The following PGM5 variants were observed in gnomAD, a reference collection of about 807,000 sequenced individuals.
PGM5 encodes phosphoglucomutase 5.
In PGM5, 23 loss-of-function variants were observed where a neutral mutation model predicts 59.2. That is an observed-to-expected ratio of 0.39 (90% CI 0.28 to 0.55). The LOEUF (loss-of-function observed/expected upper bound fraction) is 0.55, where lower values mean the gene tolerates loss of function less well. Among genes scored for constraint, PGM5 ranks in the 20% least tolerant of loss-of-function variants. The probability of loss-of-function intolerance (pLI) is 0.66; values close to 1 mark genes in which losing one functional copy is unlikely to be tolerated. For synonymous variants in PGM5, 214 were observed against 286.0 expected, an observed-to-expected ratio of 0.75 and a Z score of 2.54; for missense variants, 574 against 748.3, an observed-to-expected ratio of 0.77 and a Z score of 2.72.
chr9:68,457,966 A>G (rs1183080260), intron 6 of PGM5, among the ~76,000 whole-genome samples: 2 of 152,212 alleles, frequency 1.3e-5, no homozygotes, highest in Non-Finnish European at 2.9e-5. Context: ...CTATCTCTCA[A>G]CTTAGCTGGA....
chr9:68,376,676 T>C (rs1472521352), intron 1 of PGM5, among the ~76,000 whole-genome samples: 5 of 152,152 alleles, frequency 3.3e-5, no homozygotes, highest in Admixed American at 2.0e-4. Context: ...TCAGTACTTA[T>C]CAAATGAATT....
intron 7 of PGM5, chr9:68,466,042 T>G (rs1457279125): frequency 1.3e-6 from 1 of 760,670 alleles, no homozygotes; most frequent in African/African-American, 1.8e-5. Context: ...TTCCCCATTC[T>G]TTGTCTCTTG....
intron 10 of PGM5, among the ~76,000 whole-genome samples, chr9:68,522,643 T>C (rs1410153503): frequency 1.3e-5 from 2 of 152,208 alleles, no homozygotes; most frequent in Non-Finnish European, 2.9e-5. Flanking sequence ...ATCTTATTAA[T>C]TGTGATTTTA....
intron 8 of PGM5, among the ~76,000 whole-genome samples, chr9:68,481,055 A>C (rs1181169267): frequency 6.6e-6 from 1 of 152,184 alleles, no homozygotes; most frequent in Non-Finnish European, 1.5e-5. Flanking sequence ...ATTGTGACTC[A>C]TTTTGCTTTG....
At chr9:68,425,945 C>T (rs760700506) in intron 6 of PGM5, among the ~76,000 whole-genome samples, 78 of 152,124 alleles carry the variant, frequency 5.1e-4, no homozygotes, top group African/African-American at 1.7e-3. Flanking sequence ...AAAAAAAGAG[C>T]GATACTTTCT....
chr9:68,522,007 C>T (rs1824906080), intron 10 of PGM5, among the ~76,000 whole-genome samples: 1 of 152,192 alleles, frequency 6.6e-6, no homozygotes, highest in Non-Finnish European at 1.5e-5. Flanking sequence ...GTAATCCCAG[C>T]ACTTTGGGAG....
intron 10 of PGM5, among the ~76,000 whole-genome samples, chr9:68,525,371 A>T (rs912641745): frequency 6.6e-6 from 1 of 152,100 alleles, no homozygotes; most frequent in South Asian, 2.1e-4. Context: ...TCATGTGGCC[A>T]CTCATTCTAG....
chr9:68,422,871 C>A (rs1020582326), intron 6 of PGM5, among the ~76,000 whole-genome samples: 2 of 152,096 alleles, frequency 1.3e-5, no homozygotes, highest in African/African-American at 4.8e-5. Context: ...TGTCTCTCAT[C>A]CCCTTCCCAC....
chr9:68,421,624 G>A (rs1350146078), intron 6 of PGM5, among the ~76,000 whole-genome samples: 37 of 152,248 alleles, frequency 2.4e-4, no homozygotes, highest in African/African-American at 8.2e-4. Flanking sequence ...GGCTGAGGCA[G>A]GAGAATCACT....
At chr9:68,420,071 G>A (rs2132046774) in intron 6 of PGM5, among the ~76,000 whole-genome samples, 1 of 152,262 alleles carries the variant, frequency 6.6e-6, no homozygotes, top group South Asian at 2.1e-4. Flanking sequence ...GTATCATCAA[G>A]CTGAAAACGT....
chr9:68,517,004 C>T (rs1824834176), intron 10 of PGM5, among the ~76,000 whole-genome samples: 1 of 151,464 alleles, frequency 6.6e-6, no homozygotes, highest in Admixed American at 6.6e-5. Flanking sequence ...CCTGAGAAGC[C>T]GGGACTACAG....
intron 6 of PGM5, among the ~76,000 whole-genome samples, chr9:68,413,570 A>C (rs1822971933): frequency 6.6e-6 from 1 of 152,366 alleles, no homozygotes; most frequent in African/African-American, 2.4e-5. Context: ...TTATTTGGAA[A>C]AGTAAAGTTT....
chr9:68,373,820 G>C (rs1821803727), intron 1 of PGM5, among the ~76,000 whole-genome samples: 1 of 152,166 alleles, frequency 6.6e-6, no homozygotes, highest in African/African-American at 2.4e-5. Context: ...AAATGGGATG[G>C]GGACCCAGTT....
intron 6 of PGM5, among the ~76,000 whole-genome samples, chr9:68,412,245 T>C (rs1251163920): frequency 6.6e-6 from 1 of 152,230 alleles, no homozygotes; most frequent in Non-Finnish European, 1.5e-5. Flanking sequence ...TATAATGTAG[T>C]CTGCATTATT....
Position 68,499,317 on chromosome 9 carries a change from G to T in PGM5, c.1570G>T (p.Glu524Ter). The change falls in exon 10 of 11, where the codon GAG becomes TAG. Residue 524 changes from glutamate (E) to a stop codon, truncating the protein, a stop_gained. Transcript: ENST00000396396. LOFTEE classifies it high-confidence loss of function. ...GCGGGCCACCCTCAGACTGTACGCA[G>T]AGAGCTACGAGAGGGATCCCAGCGG... ...GVRATLRLYAESYERDPSGHD... is the reference protein window; with the variant it reads ...GVRATLRLYA 6.2e-7 allele frequency: 1 copy of T among 1,614,144 alleles called. No individual in the cohort carries two copies. The highest frequency in any genetic ancestry group is 1.1e-5 in the South Asian group (1 of 91,080).
At chr9:68,454,512 C>T (rs879952538) in intron 6 of PGM5, among the ~76,000 whole-genome samples, 9 of 152,142 alleles carry the variant, frequency 5.9e-5, no homozygotes, top group Non-Finnish European at 1.0e-4. Flanking sequence ...AGGATGATGC[C>T]GCAGTAGGAG....
chr9:68,362,718 CT>C (rs1554676349), intron 1 of PGM5, among the ~76,000 whole-genome samples: 1 of 152,018 alleles, frequency 6.6e-6, no homozygotes, highest in African/African-American at 2.4e-5. Context: ...ACAGGAATGC[CT>C]TTGTCCTTTT....
At chr9:68,492,420 T>C (rs1824407831) in intron 9 of PGM5, among the ~76,000 whole-genome samples, 1 of 152,188 alleles carries the variant, frequency 6.6e-6, no homozygotes, top group Non-Finnish European at 1.5e-5. Context: ...TAAAAGAGCG[T>C]GTAAGGAGTC....
intron 9 of PGM5, among the ~76,000 whole-genome samples, chr9:68,492,952 G>A (rs532543245): frequency 2.6e-5 from 4 of 152,336 alleles, no homozygotes; most frequent in East Asian, 3.9e-4. Context: ...TCCTGTGGGA[G>A]ATAAGATCTG....
Sources: gnomAD v4.1 joint callset for allele counts (sites outside exome capture counted in the v4.1 genomes callset) on GRCh38, gnomAD v4.1.1 for gene constraint, MANE v1.5 for transcripts, NCBI Gene and HGNC (gene_info 2026-07-23, HGNC 2026-07-21) for gene names.